The following RPE variants were observed in gnomAD, a reference collection of about 807,000 sequenced individuals.
The protein encoded by RPE is ribulose-phosphate 3-epimerase.
In RPE, 16 loss-of-function variants were observed where a neutral mutation model predicts 24.6. The observed-to-expected ratio is 0.65, with a 90% CI of 0.44 to 0.99. The LOEUF (loss-of-function observed/expected upper bound fraction) is 0.99. Among genes scored for constraint, RPE ranks in the 50% least tolerant of loss-of-function variants. RPE has a pLI of 0.00. For synonymous variants in RPE, 93 were observed against 98.4 expected (o/e 0.94, Z 0.33); for missense variants, 240 against 294.5 (o/e 0.81, Z 1.35).
At chr2:210,012,481 A>AT (rs774532107) in intron 2 of RPE, among the ~76,000 whole-genome samples, 6 of 152,218 alleles carry the variant, frequency 3.9e-5, no homozygotes, top group Non-Finnish European at 8.8e-5. Context: ...CCTTTTTAAT[A>AT]TTTTGTGTGG....
At chr2:210,013,159 C>A (rs2093723142) in intron 2 of RPE, among the ~76,000 whole-genome samples, 1 of 152,118 alleles carries the variant, frequency 6.6e-6, no homozygotes, top group African/African-American at 2.4e-5. Flanking sequence ...TGGGATGTAA[C>A]CCCATTGTAA....
At chr2:210,013,511 T>TA (rs2093729211) in intron 2 of RPE, among the ~76,000 whole-genome samples, 1 of 151,970 alleles carries the variant, frequency 6.6e-6, no homozygotes, top group Non-Finnish European at 1.5e-5. Context: ...GAAGGAGTCT[T>TA]ACTATGTTGC....
At chr2:210,016,209 C>T (rs1327749236) in intron 3 of RPE, 97 bp downstream of exon 3, 1 of 1,613,840 alleles carries the variant, frequency 6.2e-7, no homozygotes, top group Admixed American at 1.7e-5. Flanking sequence ...TACAGTCTTG[C>T]TCTGTCACCC....
Position 210,012,257 on chromosome 2 carries a change from A to G in RPE, c.202+2521A>G, listed in dbSNP as rs933949574. ...TCCTTAAGACCCTTTCGGGTCATCCATGAGAGTATATCAAAACTATTTTCA... is the reference window on the plus strand; with the variant it reads ...TCCTTAAGACCCTTTCGGGTCATCCGTGAGAGTATATCAAAACTATTTTCA... On this transcript the variant is annotated intron_variant, in intron 2 of 5. Transcript: ENST00000359429. Among the ~76,000 whole-genome samples, 8 of 152,176 alleles carry G rather than the reference A, an allele frequency of 5.3e-5. 1 individual carries two copies. Among genetic ancestry groups the G allele is most frequent in the African/African-American group, 1.9e-4 (8 of 41,438 alleles).
chr2:210,010,917 C>CA (rs61046063), intron 2 of RPE, among the ~76,000 whole-genome samples: 8,363 of 144,566 alleles, frequency 0.058, 434 homozygotes, highest in East Asian at 0.31. Flanking sequence ...CACTCCATGT[C>CA]AAAAAAAAAA....
intron 5 of RPE, 75 bp downstream of exon 5, chr2:210,017,634 G>C (rs2093792288): frequency 7.3e-7 from 1 of 1,367,930 alleles, no homozygotes; most frequent in East Asian, 2.3e-5. Flanking sequence ...TCATGGGCCA[G>C]CGATTCCCTC....
intron 1 of RPE, among the ~76,000 whole-genome samples, chr2:210,008,222 C>T (rs564554313): frequency 2.3e-4 from 35 of 151,848 alleles, no homozygotes; most frequent in African/African-American, 8.2e-4. Flanking sequence ...AGCGTATTTC[C>T]TTTACAAAAC....
In RPE at chr2:210,002,707, C is replaced by T. The variant is rs1250143211; in HGVS notation, c.46C>T (p.Leu16=). 4.3e-6 allele frequency: 7 copies of T among 1,614,100 alleles called. No homozygotes were observed. Among genetic ancestry groups the T allele is most frequent in the Non-Finnish European group, 5.1e-6 (6 of 1,180,030 alleles). Residue 16 remains leucine, a synonymous_variant, in exon 1 of 6, where the codon CTG becomes TTG. Coordinates refer to ENST00000359429, the MANE Select transcript of RPE (RefSeq NM_199229.3). ...KIGPSILNSD[L]ANLGAECLRM... ...TGGCCCGTCCATCCTCAACAGCGAC[C>T]TGGCCAATTTAGGGGCCGAGTGCCT...
At chr2:210,008,366 G>T (rs981751993) in intron 1 of RPE, among the ~76,000 whole-genome samples, 5 of 148,170 alleles carry the variant, frequency 3.4e-5, no homozygotes, top group Non-Finnish European at 7.4e-5. Flanking sequence ...CGTGATCTCA[G>T]CTCACTACAG....
intron 5 of RPE, 68 bp from the exon 6 acceptor site, chr2:210,019,601 C>G: frequency 6.4e-7 from 1 of 1,565,886 alleles, no homozygotes; most frequent in South Asian, 1.2e-5. Flanking sequence ...CACTCTAGTC[C>G]AGGAATTCTG....
rs1036146881 is a variant in RPE, at chr2:210,017,468, T to G, written c.478-5T>G. ...AGTTACTTATTTCCTCATGTATATA[T>G]CTAGGTTCACTGGTTGAGGACCCAG... On this transcript the variant is annotated splice_polypyrimidine_tract_variant and splice_region_variant and intron_variant, in intron 4 of 5. Coordinates refer to ENST00000359429, the MANE Select transcript of RPE (RefSeq NM_199229.3). 6.9e-6 allele frequency: 10 copies of G among 1,444,756 alleles called. No individual in the cohort carries two copies. The highest frequency in any genetic ancestry group is 8.5e-6 in the Non-Finnish European group (9 of 1,064,028). The allele number at this position is 1,444,756 out of a possible 1,614,324, so 89.5% of individuals were successfully genotyped here. A position where few individuals can be genotyped will look rare whatever the true frequency, so the allele number is the denominator to read the frequency against.
intron 1 of RPE, among the ~76,000 whole-genome samples, chr2:210,007,374 C>T (rs1229322394): frequency 6.6e-6 from 1 of 152,208 alleles, no homozygotes; most frequent in East Asian, 1.9e-4. Flanking sequence ...GTGTTCCTTG[C>T]CACTTACCAA....
intron 2 of RPE, 94 bp downstream of exon 2, chr2:210,009,830 C>G: frequency 6.7e-7 from 1 of 1,501,628 alleles, no homozygotes. Flanking sequence ...ATCTGGCACC[C>G]TTTCCCCAAC....
At position 210,009,688 on chromosome 2, in the gene RPE, C is replaced by G. The variant is rs770632758; in HGVS notation, c.154C>G (p.Pro52Ala). The G allele has an allele frequency of 6.2e-7, 1 of 1,614,038 alleles. No individual in the cohort carries two copies. Among genetic ancestry groups the G allele is most frequent in the South Asian group, 1.1e-5 (1 of 91,074 alleles). ...TGTTCCCAACATCACCTTTGGTCAC[C>G]CTGTGGTAGAAAGCCTTCGAAAGCA... is the stretch of plus-strand genomic sequence containing the variant. Reference protein sequence around the residue: ...HFVPNITFGHPVVESLRKQLG... With the variant: ...HFVPNITFGHAVVESLRKQLG... Residue 52 changes from proline to alanine, a missense_variant, in exon 2 of 6, where the codon CCT becomes GCT. Coordinates refer to ENST00000359429, the MANE Select transcript of RPE (RefSeq NM_199229.3).
chr2:210,009,298 A>G (rs529461263), intron 1 of RPE, among the ~76,000 whole-genome samples: 2 of 152,338 alleles, frequency 1.3e-5, no homozygotes, highest in South Asian at 2.1e-4. Flanking sequence ...ATAGACTAGG[A>G]TTCAGGAGAT....
At chr2:210,017,436 C>CT in intron 4 of RPE, 37 bp from the exon 5 acceptor site, 1 of 1,309,132 alleles carries the variant, frequency 7.6e-7, no homozygotes, top group Non-Finnish European at 1.1e-6. Context: ...AACATACCCA[C>CT]TTTAGGAGTT....
chr2:210,011,401 C>T (rs1389383083), intron 2 of RPE, among the ~76,000 whole-genome samples: 1 of 152,060 alleles, frequency 6.6e-6, no homozygotes, highest in Non-Finnish European at 1.5e-5. Context: ...TTTTTTAATG[C>T]TTGCTTTTTT....
At chr2:210,014,381 G>A (rs890731315) in intron 2 of RPE, among the ~76,000 whole-genome samples, 1 of 152,132 alleles carries the variant, frequency 6.6e-6, no homozygotes, top group African/African-American at 2.4e-5. Context: ...GAGCCACCGC[G>A]CCCGGCCTGG....
intron 1 of RPE, 113 bp downstream of exon 1, chr2:210,002,896 G>C: frequency 6.3e-7 from 1 of 1,584,378 alleles, no homozygotes; most frequent in Non-Finnish European, 8.6e-7. Context: ...GCCTCACTCT[G>C]AACGCGATGC....
Sources: allele counts gnomAD v4.1 joint callset (sites outside exome capture counted in the v4.1 genomes callset), GRCh38; gene constraint gnomAD v4.1.1; transcripts MANE v1.5; gene names NCBI Gene and HGNC (gene_info 2026-07-23, HGNC 2026-07-21).